The following POLA1 variants were observed in gnomAD, a reference collection of about 807,000 sequenced individuals.
POLA1 encodes the protein DNA polymerase alpha catalytic subunit.
In POLA1, 15 loss-of-function variants were observed where a neutral mutation model predicts 124.0. The ratio of observed to expected loss-of-function variants is 0.12; its 90% CI spans 0.08 to 0.19. POLA1 has a LOEUF of 0.19. Among genes scored for constraint, POLA1 ranks in the 10% least tolerant of loss-of-function variants. POLA1 has a pLI of 1.00. For synonymous variants in POLA1, 408 were observed against 389.4 expected (o/e 1.05, Z -0.56); for missense variants, 886 against 1,103.4 (o/e 0.80, Z 2.79).
chrX:24,789,213 T>C (rs2045443185), intron 26 of POLA1: 1 of 517,156 alleles, frequency 1.9e-6, no homozygotes. Flanking sequence ...AGGAAGAAGT[T>C]AAACTGTTTG....
chrX:24,724,314 T>C, intron 11 of POLA1, 21 bp from the exon 12 acceptor site: 1 of 799,871 alleles, frequency 1.3e-6, no homozygotes, highest in Non-Finnish European at 1.9e-6. Flanking sequence ...TTCCCCTCTG[T>C]CCCCTTCTCT....
chrX:24,733,730 T>C, intron 16 of POLA1, 25 bp from the exon 17 acceptor site: 4 of 903,247 alleles, frequency 4.4e-6, no homozygotes, highest in Non-Finnish European at 4.7e-6. Context: ...GGTGTTGGAA[T>C]CTTTATTTTT....
chrX:24,817,902 T>G (rs1416944228), intron 30 of POLA1, among the ~76,000 whole-genome samples: 1 of 109,336 alleles, frequency 9.1e-6, no homozygotes, highest in Non-Finnish European at 1.9e-5. Context: ...AGAGTCTATG[T>G]ATGTGACTGG....
chrX:24,988,726 G>A (rs1004936122), intron 36 of POLA1, among the ~76,000 whole-genome samples: 3 of 112,039 alleles, frequency 2.7e-5, no homozygotes, highest in African/African-American at 9.7e-5. Context: ...CAGCACTTTG[G>A]GAGGCCGAGG....
intron 3 of POLA1, among the ~76,000 whole-genome samples, chrX:24,704,177 G>A (rs982373890): frequency 8.9e-6 from 1 of 111,747 alleles, no homozygotes; most frequent in Non-Finnish European, 1.9e-5. Context: ...ACCTGACTAG[G>A]TATAATATAT....
intron 26 of POLA1, among the ~76,000 whole-genome samples, chrX:24,776,598 A>G (rs184780349): frequency 8.9e-6 from 1 of 112,338 alleles, no homozygotes; most frequent in Non-Finnish European, 1.9e-5. Context: ...ATGACTGTCA[A>G]AACAACTTCC....
chrX:24,965,991 CTA>C (rs1286161377), intron 36 of POLA1, among the ~76,000 whole-genome samples: 1 of 111,963 alleles, frequency 8.9e-6, no homozygotes, highest in Non-Finnish European at 1.9e-5. Context: ...GCTTCTGAAA[CTA>C]TCTTTAAGTA....
At chrX:24,823,645 C>T (rs1249382125) in intron 31 of POLA1, among the ~76,000 whole-genome samples, 1 of 112,064 alleles carries the variant, frequency 8.9e-6, no homozygotes, top group Non-Finnish European at 1.9e-5. Context: ...CTCACGTGAT[C>T]CTCCTGCCTC....
chrX:24,814,957 G>GTTTTTTTTTTTTTTTTTTGT, intron 29 of POLA1, 22 bp from the exon 30 acceptor site: 1 of 857,913 alleles, frequency 1.2e-6, no homozygotes. Flanking sequence ...TCTTTGTTTT[G>GTTTTTTTTTTTTTTTTTTGT]TTTTTTTTTT....
At chrX:24,928,709 C>T (rs1010638396) in intron 35 of POLA1, among the ~76,000 whole-genome samples, 1 of 112,052 alleles carries the variant, frequency 8.9e-6, no homozygotes, top group Non-Finnish European at 1.9e-5. Flanking sequence ...AGATGTGTAC[C>T]AGCAATTACT....
At chrX:24,741,704 G>T (rs1269418197) in intron 21 of POLA1, among the ~76,000 whole-genome samples, 200 bp downstream of exon 21, 1 of 111,002 alleles carries the variant, frequency 9.0e-6, no homozygotes, top group Non-Finnish European at 1.9e-5. Context: ...TTGAAATTTG[G>T]GTGAACATAC....
chrX:24,867,865 A>G (rs1569343843), intron 34 of POLA1, among the ~76,000 whole-genome samples: 1 of 109,500 alleles, frequency 9.1e-6, no homozygotes, highest in African/African-American at 3.3e-5. Flanking sequence ...AATCTAAACA[A>G]TTACATGAAA....
chrX:24,898,436 A>T (rs911044627), intron 35 of POLA1, among the ~76,000 whole-genome samples: 1 of 112,543 alleles, frequency 8.9e-6, no homozygotes, highest in Non-Finnish European at 1.9e-5. Context: ...CTTTCAATGG[A>T]GGTGACATTT....
intron 36 of POLA1, among the ~76,000 whole-genome samples, chrX:24,978,983 A>T (rs1424149135): frequency 1.8e-5 from 2 of 112,185 alleles, no homozygotes; most frequent in Admixed American, 9.4e-5. Flanking sequence ...GAGAACTAGT[A>T]TTAAGATCAT....
intron 14 of POLA1, 26 bp from the exon 15 acceptor site, chrX:24,727,756 G>C: frequency 8.7e-7 from 1 of 1,155,116 alleles, no homozygotes; most frequent in South Asian, 2.0e-5. Context: ...AATAGCTATT[G>C]ATCTGTTGTA....
At chrX:24,961,125 G>T (rs2048163537) in intron 36 of POLA1, among the ~76,000 whole-genome samples, 1 of 111,162 alleles carries the variant, frequency 9.0e-6, no homozygotes, top group Non-Finnish European at 1.9e-5. Flanking sequence ...CCTTGTGACT[G>T]GGGCTTCCAT....
chrX:24,750,162 C>T (rs181465019), intron 26 of POLA1, among the ~76,000 whole-genome samples: 50 of 112,254 alleles, frequency 4.5e-4, no homozygotes, highest in African/African-American at 1.6e-3. Context: ...GAGAGCAGAG[C>T]TGAGTAGAAA....
At chrX:24,709,245 G>A (rs1228750534) in intron 4 of POLA1, among the ~76,000 whole-genome samples, 1 of 97,163 alleles carries the variant, frequency 1.0e-5, no homozygotes, top group Non-Finnish European at 2.0e-5. Context: ...GCGGGGGGCT[G>A]ACCCCCCCAC....
At chrX:24,820,662 A>G (rs1313040166) in intron 30 of POLA1, among the ~76,000 whole-genome samples, 1 of 108,610 alleles carries the variant, frequency 9.2e-6, no homozygotes, top group Non-Finnish European at 1.9e-5. Context: ...AGTTCTCTCC[A>G]TAACACTTTG....
Sources: gnomAD v4.1 joint callset for allele counts (sites outside exome capture counted in the v4.1 genomes callset) on GRCh38, gnomAD v4.1.1 for gene constraint, MANE v1.5 for transcripts, NCBI Gene and HGNC (gene_info 2026-07-23, HGNC 2026-07-21) for gene names.